Variants in CLCN4 observed in about 807,000 individuals in gnomAD.
CLCN4 encodes H(+)/Cl(-) exchange transporter 4.
Under a neutral mutation model 41.7 loss-of-function variants are expected in CLCN4, and 1 was observed. That is an observed-to-expected ratio of 0.02 (90% CI 0.01 to 0.11). The LOEUF is 0.11. Ranked by LOEUF, CLCN4 falls within the 10% of genes least tolerant of loss-of-function variation. CLCN4 has a pLI of 1.00. For missense variants in CLCN4, 287 were observed against 661.0 expected (o/e 0.43, Z 6.20); for synonymous variants, 277 against 285.8 (o/e 0.97, Z 0.31).
intron 4 of CLCN4, among the ~76,000 whole-genome samples, chrX:10,192,506 C>A (rs930103755): frequency 5.4e-5 from 6 of 111,089 alleles, no homozygotes; most frequent in African/African-American, 2.0e-4. Context: ...GAGCGTGGCA[C>A]ATTCCAGGAA....
chrX:10,200,037 C>T (rs570193947), intron 6 of CLCN4, among the ~76,000 whole-genome samples: 88 of 112,151 alleles, frequency 7.8e-4, no homozygotes, highest in African/African-American at 2.7e-3. Flanking sequence ...AGGCGTGAGC[C>T]GCCACGCCTG....
intron 5 of CLCN4, 45 bp from the exon 6 acceptor site, chrX:10,197,894 A>G (rs776232867): frequency 5.6e-5 from 67 of 1,202,577 alleles, no homozygotes; most frequent in Non-Finnish European, 7.0e-5. Context: ...TGCTCAGGTC[A>G]GCTGTGGCTA....
chrX:10,235,080 G>A lies in CLCN4; in HGVS notation c.*1496G>A, dbSNP rs188867465. 6.6e-4 allele frequency: 74 copies of A among 112,369 alleles called. No individual in the cohort carries two copies. Among genetic ancestry groups the A allele is most frequent in the African/African-American group, 2.3e-3 (72 of 30,959 alleles). 9.3% of individuals were successfully genotyped at this position (112,369 alleles called of 1,213,427 possible). Reference sequence around the variant, plus strand: ...GAAGGGCTGGATAAGAACCCTGAGAGGGGGTACTCCAGGACTGTCTCCATA... The same window carrying A: ...GAAGGGCTGGATAAGAACCCTGAGAAGGGGTACTCCAGGACTGTCTCCATA... On this transcript the variant is annotated 3_prime_UTR_variant, in exon 13 of 13. Transcript: ENST00000380833.
At chrX:10,225,755 T>G (rs1242526090) in intron 12 of CLCN4, among the ~76,000 whole-genome samples, 1 of 112,054 alleles carries the variant, frequency 8.9e-6, no homozygotes, top group Non-Finnish European at 1.9e-5. Flanking sequence ...TAATCTATCT[T>G]GAGTTAATTT....
intron 8 of CLCN4, among the ~76,000 whole-genome samples, 171 bp downstream of exon 8, chrX:10,206,947 TCTCA>T (rs1374476022): frequency 1.8e-5 from 2 of 108,694 alleles, no homozygotes; most frequent in African/African-American, 6.8e-5. Flanking sequence ...TGAGACTGAG[TCTCA>T]CTCTGTCACC....
Position 10,220,769 on chromosome X carries a change from G to C in CLCN4, c.2084G>C (p.Arg695Pro). Residue 695 changes from arginine (R) to proline (P), a missense_variant, in exon 12 of 13, where the codon CGC (arginine) becomes CCC (proline). Arg to Pro is a moderately radical substitution (Grantham distance 103). This residue lies in a region of CLCN4 where 71 missense variants were observed against 104.5 expected (regional missense o/e 0.68). Coordinates refer to ENST00000380833, the MANE Select transcript of CLCN4 (RefSeq NM_001830.4). Reference protein sequence around the residue: ...ANSPHPLKLRRILNLSPFTVT... With the variant: ...ANSPHPLKLRPILNLSPFTVT... ...AGCCCACATCCCCTGAAGCTGCGGC[G>C]CATCCTGAACCTCAGCCCGTTTACA... 8.3e-7 allele frequency: 1 copy of C among 1,211,058 alleles called. No individual in the cohort carries two copies. The highest frequency in any genetic ancestry group is 1.1e-6 in the Non-Finnish European group (1 of 894,736).
chrX:10,198,732 T>C (rs1283758890), intron 6 of CLCN4, among the ~76,000 whole-genome samples: 1 of 112,368 alleles, frequency 8.9e-6, no homozygotes, highest in Admixed American at 9.4e-5. Context: ...TTGAAACCTA[T>C]GAGGACCTAC....
chrX:10,202,936 T>C (rs1259543069), intron 6 of CLCN4, among the ~76,000 whole-genome samples: 3 of 112,112 alleles, frequency 2.7e-5, no homozygotes, highest in African/African-American at 9.7e-5. Context: ...GCAGTACATC[T>C]CGTTAAAGCC....
chrX:10,174,071 A>G (rs1158531031), intron 2 of CLCN4, among the ~76,000 whole-genome samples: 1 of 112,233 alleles, frequency 8.9e-6, no homozygotes, highest in Non-Finnish European at 1.9e-5. Flanking sequence ...GGCATTGTCA[A>G]GCATCCCCTG....
chrX:10,222,223 A>T (rs1410658238), intron 12 of CLCN4, among the ~76,000 whole-genome samples: 1 of 112,070 alleles, frequency 8.9e-6, no homozygotes, highest in African/African-American at 3.2e-5. Flanking sequence ...CCAGAGAAGC[A>T]GTTCCTTAAA....
At chrX:10,230,770 C>T (rs1212139588) in intron 12 of CLCN4, among the ~76,000 whole-genome samples, 3 of 112,158 alleles carry the variant, frequency 2.7e-5, no homozygotes, top group Non-Finnish European at 3.8e-5. Flanking sequence ...CCTTCACTCC[C>T]CTCAGTTTCC....
rs1203446651 is a variant in CLCN4 at position 10,187,907 on chromosome X, G to A, written c.244+293G>A. Among the ~76,000 whole-genome samples the A allele has an allele frequency of 1.7e-4, 19 of 111,708 alleles. No individual in the cohort carries two copies. The Admixed American group carries it at 1.8e-3, about 11-fold the overall frequency. The stretch of plus-strand genomic sequence containing the variant: ...CAGAGCAGAGTTTTCTTACTATACC[G>A]GATTTGACTGAAAACACACATTTTT... On this transcript the variant is annotated intron_variant, in intron 4 of 12. Coordinates refer to ENST00000380833, the MANE Select transcript of CLCN4 (RefSeq NM_001830.4).
chrX:10,195,230 T>A, intron 5 of CLCN4, 132 bp downstream of exon 5: 1 of 587,793 alleles, frequency 1.7e-6, no homozygotes, highest in African/African-American at 2.2e-5. Context: ...GGCTTAACAC[T>A]AGATGACGGG....
At chrX:10,193,745 T>C in intron 4 of CLCN4, among the ~76,000 whole-genome samples, 1 of 112,084 alleles carries the variant, frequency 8.9e-6, no homozygotes, top group East Asian at 2.8e-4. Context: ...TGTAATTGAA[T>C]GGTGTAGCTG....
In CLCN4 at chrX:10,176,112, A is replaced by C. The variant is rs1021961880; in HGVS notation, c.-11-8910A>C. On this transcript the variant is annotated intron_variant, in intron 2 of 12. Transcript: ENST00000380833. ...CTTCCCTTAAATAATCCTAAGGGGA[A>C]TGACTGTGGCCACTTGTCTTTATAT... Among the ~76,000 whole-genome samples, 7 of 112,240 alleles carry C rather than the reference A, an allele frequency of 6.2e-5. No homozygotes were observed. In the Admixed American group the frequency reaches 6.6e-4, roughly 11 times the overall value.
chrX:10,193,256 A>G (rs1924014325), intron 4 of CLCN4, among the ~76,000 whole-genome samples: 1 of 112,178 alleles, frequency 8.9e-6, no homozygotes, highest in Non-Finnish European at 1.9e-5. Context: ...TGCTGTGGGC[A>G]TCGGAAGCTG....
chrX:10,199,784 A>T (rs190584712), intron 6 of CLCN4, among the ~76,000 whole-genome samples: 1 of 109,658 alleles, frequency 9.1e-6, no homozygotes, highest in Admixed American at 9.7e-5. Context: ...TTTGAGACAG[A>T]GTCTCGCTCT....
chrX:10,231,544 T>G (rs73485402), intron 12 of CLCN4, among the ~76,000 whole-genome samples: 4,249 of 111,671 alleles, frequency 0.038, 73 homozygotes, highest in African/African-American at 0.061. Flanking sequence ...AAATTTTATT[T>G]TAGACACAGG....
At position 10,237,438 on chromosome X, in the gene CLCN4, G is replaced by C. The variant is rs1216512926; in HGVS notation, c.*3854G>C. The C allele has an allele frequency of 9.0e-6, 1 of 111,511 alleles. No individual in the cohort carries two copies. The highest frequency in any genetic ancestry group is 9.6e-5 in the Admixed American group (1 of 10,467). 9.2% of individuals were successfully genotyped at this position (111,511 alleles called of 1,213,427 possible). On this transcript the variant is annotated 3_prime_UTR_variant, in exon 13 of 13. Coordinates refer to ENST00000380833, the MANE Select transcript of CLCN4 (RefSeq NM_001830.4). ...AAGCAGACCCTATTTTCACTGGCGC[G>C]GTAATAACTATTTATTTGCTATCCT... is the stretch of plus-strand genomic sequence containing the variant.
Sources: allele counts gnomAD v4.1 joint callset (sites outside exome capture counted in the v4.1 genomes callset), GRCh38; gene constraint gnomAD v4.1.1; regional missense constraint gnomAD v4.1.1; transcripts MANE v1.5; gene names NCBI Gene and HGNC (gene_info 2026-07-23, HGNC 2026-07-21).